GAS7: variants seen among roughly 807,000 people sequenced by gnomAD.
GAS7 encodes growth arrest-specific protein 7.
In GAS7, 28 loss-of-function variants were observed where a neutral mutation model predicts 71.1. The observed-to-expected ratio is 0.39, with a 90% CI of 0.29 to 0.54. The LOEUF is 0.54. Ranked by LOEUF, GAS7 falls within the 20% of genes least tolerant of loss-of-function variation. GAS7 has a pLI of 0.62. For missense variants in GAS7, 436 were observed against 627.8 expected (o/e 0.69, Z 3.27); for synonymous variants, 258 against 245.8 (o/e 1.05, Z -0.46).
chr17:10,074,193 C>T (rs750417968), intron 1 of GAS7, among the ~76,000 whole-genome samples: 4 of 152,292 alleles, frequency 2.6e-5, no homozygotes, highest in South Asian at 4.1e-4. Flanking sequence ...CAAAGGTCAT[C>T]GTAAGGACAG....
chr17:10,069,247 C>G (rs1010558354), intron 1 of GAS7, among the ~76,000 whole-genome samples: 84 of 152,300 alleles, frequency 5.5e-4, no homozygotes, highest in African/African-American at 1.9e-3. Flanking sequence ...TGCACCATGT[C>G]CGTGGAATGG....
At chr17:10,017,133 A>AAAAT (rs3076181) in intron 2 of GAS7, among the ~76,000 whole-genome samples, 32,430 of 132,114 alleles carry the variant, frequency 0.25, 4,230 homozygotes, top group Non-Finnish European at 0.29. Context: ...CCTGTCTAAA[A>AAAAT]AAATAAATAA....
At chr17:10,023,732 C>G (rs2072358647) in intron 1 of GAS7, among the ~76,000 whole-genome samples, 1 of 152,154 alleles carries the variant, frequency 6.6e-6, no homozygotes, top group South Asian at 2.1e-4. Context: ...TGACACTGTT[C>G]CGGAACTGGA....
At chr17:10,029,789 T>C (rs2072565165) in intron 1 of GAS7, among the ~76,000 whole-genome samples, 1 of 151,884 alleles carries the variant, frequency 6.6e-6, no homozygotes, top group Non-Finnish European at 1.5e-5. Flanking sequence ...AAGGCGGAGA[T>C]TGCAGTGAGC....
At chr17:9,958,882 C>T in intron 5 of GAS7, 1 of 818,258 alleles carries the variant, frequency 1.2e-6, no homozygotes, top group Non-Finnish European at 1.7e-6. Flanking sequence ...ATCACTTGCG[C>T]TGAGCACAGT....
chr17:10,020,774 G>T (rs1368170652), intron 1 of GAS7, among the ~76,000 whole-genome samples: 1 of 152,094 alleles, frequency 6.6e-6, no homozygotes, highest in African/African-American at 2.4e-5. Context: ...TTAGCTAGGC[G>T]TGGTGGTGTG....
At chr17:10,070,141 G>C (rs1351571128) in intron 1 of GAS7, among the ~76,000 whole-genome samples, 1 of 151,894 alleles carries the variant, frequency 6.6e-6, no homozygotes, top group Non-Finnish European at 1.5e-5. Flanking sequence ...GAGCTCATTA[G>C]TCCCAGCAGG....
At chr17:10,161,032 T>A (rs911495482) in intron 1 of GAS7, among the ~76,000 whole-genome samples, 3 of 151,986 alleles carry the variant, frequency 2.0e-5, no homozygotes, top group African/African-American at 7.3e-5. Flanking sequence ...TTCAAGAGTG[T>A]CTGGCCTTCA....
chr17:10,080,156 C>A (rs1008253309), intron 1 of GAS7, among the ~76,000 whole-genome samples: 3 of 152,154 alleles, frequency 2.0e-5, no homozygotes, highest in Non-Finnish European at 2.9e-5. Context: ...CAAAACCCAC[C>A]AAAACCAAGA....
chr17:9,912,621 TTCCCC>T lies in GAS7; in HGVS notation c.*4602_*4606del. 4.3e-6 allele frequency: 1 copy of T among 232,740 alleles called. No homozygotes were observed. The highest frequency in any genetic ancestry group is 8.5e-6 in the Non-Finnish European group (1 of 117,708). The allele number at this position is 232,740 out of a possible 1,614,324, so 14.4% of individuals were successfully genotyped here. ...CAGCAATTGAGCACCCATCCGTCCC[TTCCCC>T]TCCCATCCCTGGATTCTTTCTGCAC... is the stretch of plus-strand genomic sequence containing the variant. On this transcript the variant is annotated 3_prime_UTR_variant, in exon 14 of 14. Transcript: ENST00000432992.
At chr17:9,990,337 G>C (rs1266604598) in intron 2 of GAS7, among the ~76,000 whole-genome samples, 9 of 152,236 alleles carry the variant, frequency 5.9e-5, no homozygotes, top group African/African-American at 1.7e-4. Flanking sequence ...CCTTGCCACG[G>C]GCTCTGCACA....
At chr17:10,123,940 G>A (rs1034224578) in intron 1 of GAS7, among the ~76,000 whole-genome samples, 6 of 152,240 alleles carry the variant, frequency 3.9e-5, no homozygotes, top group Admixed American at 3.9e-4. Flanking sequence ...TGCACAAGAG[G>A]CCAGTGGGGC....
At chr17:10,144,082 A>G (rs1021575642) in intron 1 of GAS7, among the ~76,000 whole-genome samples, 1 of 152,138 alleles carries the variant, frequency 6.6e-6, no homozygotes, top group Non-Finnish European at 1.5e-5. Flanking sequence ...GGAACGGGGG[A>G]CTCGGAGCGG....
chr17:10,041,271 G>A (rs1452906535), intron 1 of GAS7, among the ~76,000 whole-genome samples: 5 of 152,046 alleles, frequency 3.3e-5, no homozygotes, highest in African/African-American at 1.2e-4. Flanking sequence ...GGCCATGAAA[G>A]CTTTCATAGC....
intron 1 of GAS7, among the ~76,000 whole-genome samples, chr17:10,082,043 G>A (rs957260632): frequency 1.3e-5 from 2 of 152,078 alleles, no homozygotes; most frequent in East Asian, 1.9e-4. Flanking sequence ...AGAACAGTAC[G>A]CAGCAGTTAA....
chr17:10,098,735 G>A (rs142901943), intron 1 of GAS7, among the ~76,000 whole-genome samples: 3,104 of 152,220 alleles, frequency 0.02, 50 homozygotes, highest in Non-Finnish European at 0.029. Flanking sequence ...TGAGATGGGC[G>A]GATCACGAGG....
chr17:10,096,388 G>A (rs1050650213), intron 1 of GAS7, among the ~76,000 whole-genome samples: 11 of 152,140 alleles, frequency 7.2e-5, no homozygotes, highest in African/African-American at 2.2e-4. Context: ...GTTTGCCAGG[G>A]GAGGGTGTCC....
chr17:10,043,616 T>A (rs569430899), intron 1 of GAS7, among the ~76,000 whole-genome samples: 4 of 152,238 alleles, frequency 2.6e-5, no homozygotes, highest in Non-Finnish European at 5.9e-5. Flanking sequence ...AAATAAAATG[T>A]TAAGAAAATC....
chr17:10,084,521 C>T (rs973820322), intron 1 of GAS7, among the ~76,000 whole-genome samples: 4 of 152,098 alleles, frequency 2.6e-5, no homozygotes, highest in African/African-American at 4.8e-5. Flanking sequence ...GGCTGGAGTG[C>T]GATGGTGCAA....
Sources: gnomAD v4.1 joint callset for allele counts (sites outside exome capture counted in the v4.1 genomes callset) on GRCh38, gnomAD v4.1.1 for gene constraint, MANE v1.5 for transcripts, NCBI Gene and HGNC (gene_info 2026-07-23, HGNC 2026-07-21) for gene names.